Variants in RAI14 observed in about 807,000 individuals in gnomAD.
The protein encoded by RAI14 is retinoic acid induced 14, also known as ankycorbin.
Under a neutral mutation model 115.4 loss-of-function variants are expected in RAI14, and 45 were observed. That is an observed-to-expected ratio of 0.39 (90% CI 0.31 to 0.50). The LOEUF is 0.50. Ranked by LOEUF, RAI14 falls within the 20% of genes least tolerant of loss-of-function variation. The probability of loss-of-function intolerance (pLI) is 0.85; values close to 1 mark genes in which losing one functional copy is unlikely to be tolerated. For synonymous variants in RAI14, 371 were observed against 415.4 expected, an observed-to-expected ratio of 0.89 and a Z score of 1.30; for missense variants, 939 against 1,131.2, an observed-to-expected ratio of 0.83 and a Z score of 2.44.
At chr5:34,754,584 C>T (rs1302078106) in intron 2 of RAI14, among the ~76,000 whole-genome samples, 1 of 150,908 alleles carries the variant, frequency 6.6e-6, no homozygotes, top group Non-Finnish European at 1.5e-5. Flanking sequence ...ACCCCATCTG[C>T]AGCACTTCTT....
chr5:34,679,242 G>A (rs1009681279), intron 1 of RAI14, among the ~76,000 whole-genome samples: 1 of 152,226 alleles, frequency 6.6e-6, no homozygotes, highest in Non-Finnish European at 1.5e-5. Flanking sequence ...CCAGTTTTCA[G>A]CTGAATCCTT....
intron 2 of RAI14, among the ~76,000 whole-genome samples, chr5:34,715,550 C>T (rs1218840116): frequency 1.3e-5 from 2 of 152,154 alleles, no homozygotes; most frequent in Non-Finnish European, 2.9e-5. Context: ...CTTGGTGTTC[C>T]CTGCCCCAAA....
Position 34,823,436 on chromosome 5 carries a change from A to G in RAI14, c.1594A>G (p.Ile532Val), listed in dbSNP as rs1440960749. The change falls in exon 15 of 18, where the codon ATA becomes GTA. Residue 532 changes from isoleucine to valine, a missense_variant. By Grantham distance (29) the Ile-to-Val change is conservative (BLOSUM62 3). Coordinates refer to ENST00000265109, the MANE Select transcript of RAI14 (RefSeq NM_015577.3). This position sits in a 1 kb window ranked among gnomAD's most constrained non-coding sequence, Gnocchi z 4.5. ...CGAGCTGAGGGTCACGGAAGAGGAAATAAATGTGCTAAAGCAGGATCTGCA... is the reference window on the plus strand; with the variant it reads ...CGAGCTGAGGGTCACGGAAGAGGAAGTAAATGTGCTAAAGCAGGATCTGCA... ...FHELRVTEEE[I>V]NVLKQDLQNA... is the part of the protein sequence containing the mutation. 2 of 1,614,212 alleles carry G rather than the reference A, an allele frequency of 1.2e-6. No homozygotes were observed. The highest frequency in any genetic ancestry group is 8.5e-7 in the Non-Finnish European group (1 of 1,180,040).
chr5:34,711,217 C>G (rs562992858), intron 2 of RAI14, among the ~76,000 whole-genome samples: 1 of 152,062 alleles, frequency 6.6e-6, no homozygotes, highest in South Asian at 2.1e-4. Flanking sequence ...GGGTTGAGTC[C>G]GAAAAGAGAC....
chr5:34,729,840 A>C (rs1039278744), intron 2 of RAI14, among the ~76,000 whole-genome samples: 4 of 152,260 alleles, frequency 2.6e-5, no homozygotes, highest in African/African-American at 9.6e-5. Context: ...GATTTCATCA[A>C]ACCAAGAAAA....
At chr5:34,756,567 T>C (rs1205358711) in intron 2 of RAI14, among the ~76,000 whole-genome samples, 4 of 152,074 alleles carry the variant, frequency 2.6e-5, no homozygotes, top group African/African-American at 7.2e-5. Flanking sequence ...ACATCTTTCC[T>C]TCCTCCCCTC....
intron 3 of RAI14, among the ~76,000 whole-genome samples, chr5:34,775,814 T>C (rs1750762546): frequency 6.6e-6 from 1 of 152,114 alleles, no homozygotes; most frequent in Non-Finnish European, 1.5e-5. Flanking sequence ...TCATACACTG[T>C]TGGGGAGAAT....
chr5:34,752,767 G>A (rs6871940), intron 2 of RAI14, among the ~76,000 whole-genome samples: 261 of 79,458 alleles, frequency 3.3e-3, no homozygotes, highest in East Asian at 6.9e-3. Flanking sequence ...ATATATATAT[G>A]TATCTTTTCT....
intron 2 of RAI14, among the ~76,000 whole-genome samples, chr5:34,707,539 C>T (rs753371099): frequency 2.0e-5 from 3 of 152,286 alleles, no homozygotes; most frequent in Admixed American, 6.5e-5. Flanking sequence ...TTTCCAAGTC[C>T]CTCTGCTCCT....
intron 2 of RAI14, chr5:34,687,637 A>T (rs1413468979): frequency 2.6e-6 from 4 of 1,549,978 alleles, no homozygotes; most frequent in Non-Finnish European, 3.5e-6. Flanking sequence ...CTATGATCCC[A>T]GTCTTGTATT....
intron 2 of RAI14, among the ~76,000 whole-genome samples, chr5:34,754,844 C>G (rs1031910581): frequency 5.9e-5 from 9 of 152,106 alleles, no homozygotes; most frequent in African/African-American, 2.2e-4. Flanking sequence ...TTAGGGAACC[C>G]CTGCAATCAG....
At chr5:34,707,147 C>T (rs997162190) in intron 2 of RAI14, among the ~76,000 whole-genome samples, 1 of 152,190 alleles carries the variant, frequency 6.6e-6, no homozygotes, top group South Asian at 2.1e-4. Context: ...GTCAGTTAGC[C>T]TCCCTGGGTT....
rs1409820316 is a variant in RAI14 at position 34,688,037 on chromosome 5, A to G, written c.36+1082A>G. The G allele has an allele frequency of 6.4e-6, 9 of 1,405,544 alleles. No individual in the cohort carries two copies. The African/African-American group carries it at 1.3e-4, about 20-fold the overall frequency. The allele number at this position is 1,405,544 out of a possible 1,614,324, so 87.1% of individuals were successfully genotyped here. ...AAGAAAGAACTGGGAAGCGTTATGA[A>G]AAAAGTTGATCTTACCTTCTTATCC... On this transcript the variant is annotated intron_variant, in intron 2 of 17. Transcript: ENST00000265109.
chr5:34,728,828 G>GGGA (rs998855275), intron 2 of RAI14, among the ~76,000 whole-genome samples: 1 of 152,088 alleles, frequency 6.6e-6, no homozygotes, highest in African/African-American at 2.4e-5. Context: ...GCTGAGGCTG[G>GGGA]GGAGGAGCTC....
intron 3 of RAI14, among the ~76,000 whole-genome samples, chr5:34,787,082 G>A (rs1752388505): frequency 1.3e-5 from 2 of 152,198 alleles, no homozygotes; most frequent in African/African-American, 2.4e-5. Flanking sequence ...CCCTGGGTAG[G>A]CCAGGTGTTC....
At chr5:34,799,539 C>CACACA (rs1554007142) in intron 4 of RAI14, among the ~76,000 whole-genome samples, 18 of 57,232 alleles carry the variant, frequency 3.1e-4, no homozygotes, top group South Asian at 1.3e-3. Context: ...CACACACACA[C>CACACA]AAAACCACCT....
Position 34,809,474 on chromosome 5 carries a change from G to A in RAI14, c.450+820G>A, listed in dbSNP as rs539954056. ...GATTTTTCTGAGACAGATGATTCTG[G>A]TGTTAGTTCTGTTTAGAAATAACTC... On this transcript the variant is annotated intron_variant, in intron 7 of 17. Transcript: ENST00000265109. Among the ~76,000 whole-genome samples the A allele has an allele frequency of 9.2e-5, 14 of 152,170 alleles. No homozygotes were observed. In the South Asian group the frequency reaches 2.9e-3, roughly 32 times the overall value.
In RAI14 at chr5:34,823,443, T is replaced by G. The variant is rs371031974; in HGVS notation, c.1601T>G (p.Val534Gly). Reference protein sequence around the residue: ...ELRVTEEEINVLKQDLQNALE... With the variant: ...ELRVTEEEINGLKQDLQNALE... ...AGGGTCACGGAAGAGGAAATAAATG[T>G]GCTAAAGCAGGATCTGCAGAATGCA... The change falls in exon 15 of 18, where the codon GTG becomes GGG. Residue 534 changes from valine to glycine, a missense_variant. By Grantham distance (109) the Val-to-Gly change is moderately radical. Transcript: ENST00000265109. This position sits in a 1 kb window ranked among gnomAD's most constrained non-coding sequence, Gnocchi z 4.5. 1 of 1,613,978 alleles carries G rather than the reference T, an allele frequency of 6.2e-7. No individual in the cohort carries two copies. The highest frequency in any genetic ancestry group is 8.5e-7 in the Non-Finnish European group (1 of 1,180,038).
chr5:34,813,413 C>T (rs1755832327), intron 10 of RAI14, among the ~76,000 whole-genome samples, 161 bp from the exon 11 acceptor site: 1 of 152,152 alleles, frequency 6.6e-6, no homozygotes, highest in Non-Finnish European at 1.5e-5. Flanking sequence ...CTTGTGCATG[C>T]ATATTATTTA....
Sources: gnomAD v4.1 joint callset for allele counts (sites outside exome capture counted in the v4.1 genomes callset) on GRCh38, gnomAD v4.1.1 for gene constraint, Gnocchi (gnomAD v3.1) non-coding constraint, MANE v1.5 for transcripts, NCBI Gene and HGNC (gene_info 2026-07-23, HGNC 2026-07-21) for gene names.